LIMCH1: variants seen among roughly 807,000 people sequenced by gnomAD.
LIMCH1 encodes LIM and calponin homology domains-containing protein 1.
In LIMCH1, 113 loss-of-function variants were observed where a neutral mutation model predicts 176.5. The ratio of observed to expected loss-of-function variants is 0.64; its 90% CI spans 0.55 to 0.75. LIMCH1 has a LOEUF of 0.75. Among genes scored for constraint, LIMCH1 ranks in the 30% least tolerant of loss-of-function variants. The pLI, the probability that LIMCH1 is intolerant of heterozygous loss-of-function variation, is 0.00. For synonymous variants in LIMCH1, 619 were observed against 645.9 expected (o/e 0.96, Z 0.63); for missense variants, 1,674 against 1,814.9 (o/e 0.92, Z 1.41).
intron 2 of LIMCH1, among the ~76,000 whole-genome samples, chr4:41,514,961 C>A (rs187592532): frequency 6.6e-6 from 1 of 152,316 alleles, no homozygotes; most frequent in Admixed American, 6.5e-5. Flanking sequence ...GTGTCAGCCC[C>A]ACTGTTGAAC....
Position 41,646,689 on chromosome 4 carries a change from A to T in LIMCH1, c.2616A>T (p.Lys872Asn). The T allele has an allele frequency of 1.2e-6, 2 of 1,614,138 alleles. No homozygotes were observed. Among genetic ancestry groups the T allele is most frequent in the East Asian group, 4.5e-5 (2 of 44,884 alleles). Residue 872 changes from lysine to asparagine, a missense_variant, in exon 17 of 32, where the codon AAA becomes AAT. Physicochemically the swap from Lys to Asn is moderately conservative, Grantham distance 94. Coordinates refer to ENST00000503057, the MANE Select transcript of LIMCH1 (RefSeq NM_001330672.2). ...TCCTGAATGACCCCAATCCCATGAAATACCTGCGGCAACAGTCACTGCCTC... is the reference window on the plus strand; with the variant it reads ...TCCTGAATGACCCCAATCCCATGAATTACCTGCGGCAACAGTCACTGCCTC... ...SSFLNDPNPM[K>N]YLRQQSLPPP...
At chr4:41,575,220 G>A (rs1033427987) in intron 1 of LIMCH1, among the ~76,000 whole-genome samples, 6 of 152,166 alleles carry the variant, frequency 3.9e-5, no homozygotes, top group African/African-American at 1.2e-4. Context: ...TAAAAGCATC[G>A]CTGATTTTTA....
chr4:41,570,370 G>T (rs2083374940), intron 1 of LIMCH1, among the ~76,000 whole-genome samples: 1 of 152,194 alleles, frequency 6.6e-6, no homozygotes. Flanking sequence ...CTTAATTGCT[G>T]TAGGGACTCT....
intron 29 of LIMCH1, among the ~76,000 whole-genome samples, chr4:41,689,293 G>A (rs950684378): frequency 1.1e-4 from 17 of 152,016 alleles, no homozygotes; most frequent in South Asian, 2.1e-4. Flanking sequence ...TTAAACACAC[G>A]CACCAGATTC....
chr4:41,423,929 G>C (rs960095120), intron 1 of LIMCH1, among the ~76,000 whole-genome samples: 1 of 152,120 alleles, frequency 6.6e-6, no homozygotes, highest in Admixed American at 6.5e-5. Context: ...GTTTCAGGCT[G>C]CCAGGGCCAG....
chr4:41,408,013 A>T (rs1457482882), intron 1 of LIMCH1, among the ~76,000 whole-genome samples: 1 of 152,248 alleles, frequency 6.6e-6, no homozygotes, highest in Non-Finnish European at 1.5e-5. Context: ...GCATAGTTCC[A>T]TATAGAATAT....
intron 1 of LIMCH1, among the ~76,000 whole-genome samples, chr4:41,368,936 C>T (rs2053533102): frequency 6.6e-6 from 1 of 152,192 alleles, no homozygotes; most frequent in Non-Finnish European, 1.5e-5. Context: ...CTGTACTCCA[C>T]TCTTAGCAGG....
At chr4:41,684,651 A>G (rs1719115245) in intron 27 of LIMCH1, 133 bp downstream of exon 27, 2 of 907,904 alleles carry the variant, frequency 2.2e-6, no homozygotes, top group Admixed American at 5.9e-5. Context: ...TATGCCCAAT[A>G]TATAGTGAAT....
At chr4:41,589,407 G>A (rs2087078200) in intron 1 of LIMCH1, among the ~76,000 whole-genome samples, 1 of 152,142 alleles carries the variant, frequency 6.6e-6, no homozygotes, top group Non-Finnish European at 1.5e-5. Flanking sequence ...TTGGAGATGT[G>A]ATCAGAAATG....
At chr4:41,468,654 A>G (rs902866656) in intron 1 of LIMCH1, among the ~76,000 whole-genome samples, 21 of 152,020 alleles carry the variant, frequency 1.4e-4, no homozygotes, top group East Asian at 1.9e-4. Context: ...CACATTACCA[A>G]TTAGCTTCAA....
At chr4:41,432,653 A>G (rs942398697) in intron 1 of LIMCH1, among the ~76,000 whole-genome samples, 1 of 152,200 alleles carries the variant, frequency 6.6e-6, no homozygotes, top group African/African-American at 2.4e-5. Flanking sequence ...ATTTAAAAAC[A>G]TTTCCTAAGG....
chr4:41,367,621 A>G (rs372784888), intron 1 of LIMCH1, among the ~76,000 whole-genome samples: 4 of 141,256 alleles, frequency 2.8e-5, no homozygotes, highest in South Asian at 4.6e-4. Context: ...CTGGTGGATC[A>G]TGAGGTTTGG....
intron 5 of LIMCH1, among the ~76,000 whole-genome samples, chr4:41,615,856 C>T (rs2092000245): frequency 6.6e-6 from 1 of 151,996 alleles, no homozygotes; most frequent in Non-Finnish European, 1.5e-5. Flanking sequence ...TATTATTATC[C>T]ACTCCCACTA....
chr4:41,517,248 A>C (rs892326884), intron 2 of LIMCH1, among the ~76,000 whole-genome samples: 6 of 152,182 alleles, frequency 3.9e-5, no homozygotes, highest in Admixed American at 6.5e-5. Context: ...ATGTGATAGA[A>C]TAACTTCTGC....
intron 1 of LIMCH1, among the ~76,000 whole-genome samples, chr4:41,549,419 G>C (rs963135230): frequency 3.3e-5 from 5 of 152,174 alleles, no homozygotes; most frequent in African/African-American, 9.6e-5. Context: ...CTCGGTGAGG[G>C]ATAGAGCCAG....
chr4:41,426,805 C>T (rs769138509), intron 1 of LIMCH1, among the ~76,000 whole-genome samples: 2 of 152,244 alleles, frequency 1.3e-5, no homozygotes, highest in Non-Finnish European at 2.9e-5. Flanking sequence ...AAAATCTAGG[C>T]TCTCATGTTT....
chr4:41,411,955 T>C, intron 1 of LIMCH1, among the ~76,000 whole-genome samples: 1 of 41,124 alleles, frequency 2.4e-5, no homozygotes, highest in Non-Finnish European at 4.0e-5. Flanking sequence ...AGACTCCATC[T>C]CAAAAAAAAA....
At chr4:41,685,650 T>A in intron 27 of LIMCH1, 60 bp from the exon 28 acceptor site, 1 of 1,602,668 alleles carries the variant, frequency 6.2e-7, no homozygotes, top group Non-Finnish European at 8.5e-7. Context: ...GAAAGGTGAC[T>A]TCCTAGGTAG....
At chr4:41,691,811 T>C (rs189511941) in intron 30 of LIMCH1, among the ~76,000 whole-genome samples, 228 of 152,218 alleles carry the variant, frequency 1.5e-3, no homozygotes, top group African/African-American at 5.2e-3. Flanking sequence ...CTAGAAATTT[T>C]GATCTGGTAG....
Sources: allele counts gnomAD v4.1 joint callset (sites outside exome capture counted in the v4.1 genomes callset), GRCh38; gene constraint gnomAD v4.1.1; transcripts MANE v1.5; gene names NCBI Gene and HGNC (gene_info 2026-07-23, HGNC 2026-07-21).